The following MIPOL1 variants were observed in gnomAD, a reference collection of about 807,000 sequenced individuals.
The protein encoded by MIPOL1 is mirror-image polydactyly gene 1 protein.
A neutral mutation model predicts 60.9 loss-of-function variants in MIPOL1; 57 were observed. That is an observed-to-expected ratio of 0.94 (90% confidence interval 0.76 to 1.17). The LOEUF (loss-of-function observed/expected upper bound fraction) is 1.17, where lower values mean the gene tolerates loss of function less well. MIPOL1 is among the 50% of genes most tolerant of loss of function. The pLI is 0.00. For synonymous variants in MIPOL1, 179 were observed against 168.8 expected (o/e 1.06, Z -0.47); for missense variants, 551 against 511.6 (o/e 1.08, Z -0.74).
At chr14:37,406,322 C>CTT (rs1332207913) in intron 10 of MIPOL1, among the ~76,000 whole-genome samples, 3 of 152,070 alleles carry the variant, frequency 2.0e-5, no homozygotes. Flanking sequence ...GCTGGCAAGA[C>CTT]AAGTTTGGTT....
rs750488709 is a variant in MIPOL1, at chr14:37,547,359, G to C, written c.*388G>C. ...ATCAAAGTGCGGCAAAGTAAATATT[G>C]TCTAAGCTTTAATCCACTGTGTTAG... is the stretch of plus-strand genomic sequence containing the variant. On this transcript the variant is annotated 3_prime_UTR_variant, in exon 13 of 13. Coordinates refer to ENST00000684589, the MANE Select transcript of MIPOL1 (RefSeq NM_001388067.1). 9 of 174,812 alleles carry C rather than the reference G, an allele frequency of 5.1e-5. No homozygotes were observed. The highest frequency in any genetic ancestry group is 2.5e-3 in the Middle Eastern group (1 of 394). 10.8% of individuals were successfully genotyped at this position (174,812 alleles called of 1,614,324 possible). A position where few individuals can be genotyped will look rare whatever the true frequency, so the allele number is the denominator to read the frequency against.
At chr14:37,377,952 T>C (rs773904026) in intron 10 of MIPOL1, among the ~76,000 whole-genome samples, 20 of 151,988 alleles carry the variant, frequency 1.3e-4, no homozygotes, top group Admixed American at 5.3e-4. Flanking sequence ...AAAATTAAAA[T>C]TATCTTTAAA....
intron 10 of MIPOL1, among the ~76,000 whole-genome samples, chr14:37,405,915 G>A (rs1430909929): frequency 7.1e-6 from 1 of 141,022 alleles, no homozygotes; most frequent in Non-Finnish European, 1.5e-5. Context: ...TTTTTTTTCA[G>A]TTTTCATGGC....
At chr14:37,422,809 A>G in intron 10 of MIPOL1, 46 bp from the exon 11 acceptor site, 9 of 1,298,200 alleles carry the variant, frequency 6.9e-6, no homozygotes, top group Non-Finnish European at 9.8e-6. Context: ...GTATTTTATC[A>G]TACCAAAATG....
rs2094427502 is a variant in MIPOL1 at position 37,452,001 on chromosome 14, G to A, written c.1031+29052G>A. Among the ~76,000 whole-genome samples, 7 of 151,062 alleles carry A rather than the reference G, an allele frequency of 4.6e-5. No homozygotes were observed. In the South Asian group the frequency reaches 1.3e-3, roughly 27 times the overall value. ...GGCTAATTTTTTTGTATTTTTAGTA[G>A]AGACGGGGTTTCACCGTGTTAGCCA... On this transcript the variant is annotated intron_variant, in intron 11 of 12. Transcript: ENST00000684589.
intron 12 of MIPOL1, chr14:37,505,942 G>GCATT (rs1594779380): frequency 7.7e-6 from 1 of 129,520 alleles, no homozygotes; most frequent in African/African-American, 3.2e-5. Flanking sequence ...AAAATCACAG[G>GCATT]CATTCCTATA....
chr14:37,545,195 C>T (rs1000688828), intron 12 of MIPOL1, among the ~76,000 whole-genome samples: 6 of 152,184 alleles, frequency 3.9e-5, no homozygotes, highest in Admixed American at 1.3e-4. Context: ...ATAATGATTT[C>T]TGCTGGGAGC....
At chr14:37,305,287 T>G (rs1336150558) in intron 7 of MIPOL1, among the ~76,000 whole-genome samples, 1 of 151,884 alleles carries the variant, frequency 6.6e-6, no homozygotes, top group Non-Finnish European at 1.5e-5. Context: ...ATATTCCAAA[T>G]TGGCACTTAA....
At chr14:37,345,400 T>C (rs2153465532) in intron 9 of MIPOL1, among the ~76,000 whole-genome samples, 2 of 152,326 alleles carry the variant, frequency 1.3e-5, no homozygotes, top group South Asian at 4.1e-4. Flanking sequence ...CCGTTGTGCA[T>C]GGCCAAGTTT....
intron 9 of MIPOL1, among the ~76,000 whole-genome samples, chr14:37,319,243 C>T (rs2088286579): frequency 6.6e-6 from 1 of 152,056 alleles, no homozygotes; most frequent in South Asian, 2.1e-4. Flanking sequence ...TATGTACATC[C>T]ATGTTTCTTT....
chr14:37,463,148 AG>A (rs2094559150), intron 11 of MIPOL1, among the ~76,000 whole-genome samples: 1 of 152,220 alleles, frequency 6.6e-6, no homozygotes, highest in Non-Finnish European at 1.5e-5. Context: ...GCAGAAGGCA[AG>A]GAGGAGCAAG....
chr14:37,297,891 T>G (rs1377145618), intron 7 of MIPOL1, among the ~76,000 whole-genome samples: 2 of 152,142 alleles, frequency 1.3e-5, no homozygotes, highest in Admixed American at 6.5e-5. Context: ...CAAGGTAATT[T>G]ATAGATTTAA....
rs151219822 is a variant in MIPOL1 at position 37,499,439 on chromosome 14, A to T, written c.1032-469A>T. Among the ~76,000 whole-genome samples, 348 of 152,264 alleles carry T rather than the reference A, an allele frequency of 2.3e-3. 2 individuals carry two copies. Among genetic ancestry groups the T allele is most frequent in the African/African-American group, 8.0e-3 (332 of 41,574 alleles). On this transcript the variant is annotated intron_variant, in intron 11 of 12. Coordinates refer to ENST00000684589, the MANE Select transcript of MIPOL1 (RefSeq NM_001388067.1). ...AACTGTGACAAGTAGAAGATCAAGT[A>T]GAAAATGCTATGTAGAAGGCTGGTC...
intron 11 of MIPOL1, among the ~76,000 whole-genome samples, chr14:37,430,594 T>C (rs968710539): frequency 1.2e-4 from 18 of 152,224 alleles, no homozygotes; most frequent in Admixed American, 2.0e-4. Context: ...TCTCAACTTA[T>C]AGAATGTGGC....
intron 9 of MIPOL1, among the ~76,000 whole-genome samples, chr14:37,365,235 C>T (rs767871392): frequency 6.6e-5 from 10 of 152,118 alleles, no homozygotes; most frequent in Non-Finnish European, 1.3e-4. Context: ...CTAGTACTTC[C>T]AGTACTATGT....
intron 7 of MIPOL1, among the ~76,000 whole-genome samples, chr14:37,294,437 C>T (rs964631727): frequency 6.6e-6 from 1 of 152,122 alleles, no homozygotes; most frequent in African/African-American, 2.4e-5. Context: ...TCCTCACCAG[C>T]AACAGAACAA....
At chr14:37,541,743 CCA>C (rs2095530547) in intron 12 of MIPOL1, among the ~76,000 whole-genome samples, 1 of 152,190 alleles carries the variant, frequency 6.6e-6, no homozygotes, top group Non-Finnish European at 1.5e-5. Flanking sequence ...ACAGAATTAT[CCA>C]CAGATATATT....
At chr14:37,485,313 A>G (rs2094930597) in intron 11 of MIPOL1, among the ~76,000 whole-genome samples, 3 of 152,116 alleles carry the variant, frequency 2.0e-5, no homozygotes, top group Admixed American at 2.0e-4. Context: ...GTGTCTTTAT[A>G]CTGGAATGAT....
At position 37,406,293 on chromosome 14, in the gene MIPOL1, C is replaced by T. The variant is rs745388516; in HGVS notation, c.937-16562C>T. ...TTGTCATGGACTGAATTGCAGATTG[C>T]ATAATTTCAAAATTTTTTGCTGGCA... On this transcript the variant is annotated intron_variant, in intron 10 of 12. Transcript: ENST00000684589. Among the ~76,000 whole-genome samples, 100 of 152,122 alleles carry T rather than the reference C, an allele frequency of 6.6e-4. 1 individual carries two copies. The highest frequency in any genetic ancestry group is 2.5e-4 in the Non-Finnish European group (17 of 67,974).
Sources: allele counts gnomAD v4.1 joint callset (sites outside exome capture counted in the v4.1 genomes callset), GRCh38; gene constraint gnomAD v4.1.1; transcripts MANE v1.5; gene names NCBI Gene and HGNC (gene_info 2026-07-23, HGNC 2026-07-21).